Variants in LMBR1 observed in about 807,000 individuals in gnomAD.
LMBR1 encodes the protein limb region 1 protein homolog.
In LMBR1, 52 loss-of-function variants were observed where a neutral mutation model predicts 73.9. That is an observed-to-expected ratio of 0.70 (90% CI 0.56 to 0.89). The LOEUF is 0.89. Ranked by LOEUF, LMBR1 falls within the 40% of genes least tolerant of loss-of-function variation. The pLI, the probability that LMBR1 is intolerant of heterozygous loss-of-function variation, is 0.00. For missense variants in LMBR1, 539 were observed against 579.8 expected, an observed-to-expected ratio of 0.93 and a Z score of 0.72; for synonymous variants, 215 against 209.4, an observed-to-expected ratio of 1.03 and a Z score of -0.23.
chr7:156,694,250 A>G (rs936796683), intron 15 of LMBR1, among the ~76,000 whole-genome samples: 3 of 152,236 alleles, frequency 2.0e-5, no homozygotes, highest in African/African-American at 7.2e-5. Flanking sequence ...ATCCCACCTC[A>G]GCCTTCCAGG....
chr7:156,724,677 AGAG>A (rs1486073762), intron 14 of LMBR1, among the ~76,000 whole-genome samples: 3 of 152,256 alleles, frequency 2.0e-5, no homozygotes, highest in South Asian at 2.1e-4. Flanking sequence ...ATAGTAAATA[AGAG>A]GAGTTGAAAA....
chr7:156,778,757 G>A (rs1407567703), intron 5 of LMBR1, among the ~76,000 whole-genome samples: 1 of 152,188 alleles, frequency 6.6e-6, no homozygotes, highest in Non-Finnish European at 1.5e-5. Context: ...CATGCCATGT[G>A]TGAGATTGTT....
chr7:156,872,633 G>C (rs1799472481), intron 1 of LMBR1, among the ~76,000 whole-genome samples: 1 of 150,740 alleles, frequency 6.6e-6, no homozygotes, highest in Non-Finnish European at 1.5e-5. Context: ...GGTAACAAGA[G>C]CAAAACTCCG....
intron 4 of LMBR1, among the ~76,000 whole-genome samples, chr7:156,801,333 T>C: frequency 6.6e-6 from 1 of 152,212 alleles, no homozygotes; most frequent in East Asian, 1.9e-4. Flanking sequence ...ATTGTTACCA[T>C]TTTTTAGCAA....
chr7:156,820,565 C>CT (rs1834604897), intron 4 of LMBR1, among the ~76,000 whole-genome samples: 1 of 152,114 alleles, frequency 6.6e-6, no homozygotes, highest in Non-Finnish European at 1.5e-5. Context: ...TAGGGGCCTT[C>CT]TATCTCAGTG....
chr7:156,883,485 T>C (rs1801409830), intron 1 of LMBR1, among the ~76,000 whole-genome samples: 1 of 152,142 alleles, frequency 6.6e-6, no homozygotes, highest in South Asian at 2.1e-4. Flanking sequence ...TAACCTCAAG[T>C]ACACAACTAT....
At chr7:156,715,968 G>A (rs1563197464) in intron 15 of LMBR1, among the ~76,000 whole-genome samples, 2 of 152,176 alleles carry the variant, frequency 1.3e-5, no homozygotes, top group Non-Finnish European at 1.5e-5. Flanking sequence ...GACAAATGGA[G>A]TATCTTAGTT....
chr7:156,869,965 A>C (rs1463189109), intron 1 of LMBR1, among the ~76,000 whole-genome samples: 1 of 152,198 alleles, frequency 6.6e-6, no homozygotes, highest in Non-Finnish European at 1.5e-5. Context: ...AACAAAATTT[A>C]AATAAAAGAC....
At chr7:156,835,745 C>T (rs185916333) in intron 2 of LMBR1, among the ~76,000 whole-genome samples, 7 of 151,818 alleles carry the variant, frequency 4.6e-5, no homozygotes, top group Admixed American at 2.6e-4. Flanking sequence ...TTAATGTCTC[C>T]ATATTCATTT....
At chr7:156,749,608 C>A (rs1304605676) in intron 9 of LMBR1, among the ~76,000 whole-genome samples, 1 of 152,014 alleles carries the variant, frequency 6.6e-6, no homozygotes, top group Non-Finnish European at 1.5e-5. Flanking sequence ...AAAGGTATTC[C>A]AATCTGACAC....
intron 15 of LMBR1, among the ~76,000 whole-genome samples, chr7:156,714,884 G>A (rs1391599961): frequency 6.6e-6 from 1 of 152,032 alleles, no homozygotes; most frequent in Non-Finnish European, 1.5e-5. Flanking sequence ...CCACGCCAAG[G>A]AAACGGAGAA....
chr7:156,780,104 G>A (rs748088812), intron 5 of LMBR1, among the ~76,000 whole-genome samples: 9 of 152,176 alleles, frequency 5.9e-5, no homozygotes, highest in East Asian at 1.9e-4. Context: ...TTGGTCTCAC[G>A]TCAGAGAAAA....
chr7:156,700,400 GA>G (rs1349166643), intron 15 of LMBR1, among the ~76,000 whole-genome samples: 1 of 71,972 alleles, frequency 1.4e-5, no homozygotes, highest in African/African-American at 8.4e-5. Context: ...TGTGGGGTGG[GA>G]GGAGGGGGGG....
intron 15 of LMBR1, among the ~76,000 whole-genome samples, chr7:156,697,944 T>G (rs948827877): frequency 1.3e-5 from 2 of 152,234 alleles, no homozygotes; most frequent in Admixed American, 6.5e-5. Flanking sequence ...AAATGAGATC[T>G]TCACAATTTA....
At chr7:156,686,727 A>G (rs916648345) in intron 16 of LMBR1, among the ~76,000 whole-genome samples, 1 of 152,224 alleles carries the variant, frequency 6.6e-6, no homozygotes, top group Non-Finnish European at 1.5e-5. Flanking sequence ...TTCAAAAGCT[A>G]AAGTTACGGC....
chr7:156,730,469 A>G (rs1254529166), intron 10 of LMBR1, among the ~76,000 whole-genome samples: 1 of 152,244 alleles, frequency 6.6e-6, no homozygotes, highest in Non-Finnish European at 1.5e-5. Flanking sequence ...CGGTCGTCAT[A>G]AAGACTGAAG....
chr7:156,796,867 A>G (rs1362960891), intron 4 of LMBR1, among the ~76,000 whole-genome samples: 7 of 152,226 alleles, frequency 4.6e-5, no homozygotes, highest in Non-Finnish European at 8.8e-5. Flanking sequence ...AACATTTTAC[A>G]TGCATAATCC....
At chr7:156,787,038 C>T (rs1828231193) in intron 5 of LMBR1, among the ~76,000 whole-genome samples, 1 of 152,108 alleles carries the variant, frequency 6.6e-6, no homozygotes, top group African/African-American at 2.4e-5. Flanking sequence ...GGGAAGTCAG[C>T]GCCTACAGAT....
At chr7:156,705,248 A>G (rs1172509503) in intron 15 of LMBR1, among the ~76,000 whole-genome samples, 4 of 152,248 alleles carry the variant, frequency 2.6e-5, no homozygotes, top group Non-Finnish European at 5.9e-5. Context: ...GAGAGGGCAT[A>G]TTCAAAGCAC....
Sources: gnomAD v4.1 joint callset for allele counts (sites outside exome capture counted in the v4.1 genomes callset) on GRCh38, gnomAD v4.1.1 for gene constraint, MANE v1.5 for transcripts, NCBI Gene and HGNC (gene_info 2026-07-23, HGNC 2026-07-21) for gene names.